The following MAPK4 variants were observed in gnomAD, a reference collection of about 807,000 sequenced individuals.
The protein encoded by MAPK4 is mitogen-activated protein kinase 4.
In MAPK4, 22 loss-of-function variants were observed where a neutral mutation model predicts 47.7. That is an observed-to-expected ratio of 0.46 (90% CI 0.33 to 0.66). The LOEUF is 0.66. Ranked by LOEUF, MAPK4 falls within the 30% of genes least tolerant of loss-of-function variation. The pLI is 0.02. For synonymous variants in MAPK4, 390 were observed against 365.7 expected (o/e 1.07, Z -0.76); for missense variants, 736 against 831.7 (o/e 0.88, Z 1.42).
At chr18:50,610,886 C>T (rs1221478371) in intron 1 of MAPK4, among the ~76,000 whole-genome samples, 1 of 152,130 alleles carries the variant, frequency 6.6e-6, no homozygotes, top group Non-Finnish European at 1.5e-5. Flanking sequence ...TTACTTCTCC[C>T]AGTAATTGTC....
At chr18:50,648,815 T>C (rs1271487371) in intron 1 of MAPK4, among the ~76,000 whole-genome samples, 3 of 152,162 alleles carry the variant, frequency 2.0e-5, no homozygotes, top group Non-Finnish European at 2.9e-5. Flanking sequence ...CTCGCTATGC[T>C]TGCCCTGGGA....
intron 1 of MAPK4, among the ~76,000 whole-genome samples, chr18:50,610,039 G>A (rs757821032): frequency 7.2e-5 from 11 of 152,184 alleles, no homozygotes; most frequent in Non-Finnish European, 1.6e-4. Context: ...AATTTTGCAA[G>A]AGGTGAATTA....
Position 50,664,500 on chromosome 18 carries a change from A to G in MAPK4, c.542A>G (p.His181Arg). Residue 181 changes from histidine (H) to arginine (R), a missense_variant, in exon 2 of 6, where the codon CAC (histidine) becomes CGC (arginine). Around this residue, in one of 3 missense-constraint regions of MAPK4, gnomAD observed 327 missense variants for 395.4 expected, o/e 0.83. Transcript: ENST00000400384. This position sits in a 1 kb window ranked among gnomAD's most constrained non-coding sequence, Gnocchi z 6.0. ...AGGATCGTTGATCAGCATTACTCCCACAAGGTATGTCTGGCTGGAATGGCG... is the reference window on the plus strand; with the variant it reads ...AGGATCGTTGATCAGCATTACTCCCGCAAGGTATGTCTGGCTGGAATGGCG... ...LARIVDQHYS[H>R]KGYLSEGLVT... is the part of the protein sequence containing the mutation. The G allele has an allele frequency of 1.9e-6, 3 of 1,585,594 alleles. No individual in the cohort carries two copies. The highest frequency in any genetic ancestry group is 1.7e-5 in the Admixed American group (1 of 58,578).
At chr18:50,630,501 T>C (rs1471217222) in intron 1 of MAPK4, among the ~76,000 whole-genome samples, 1 of 152,180 alleles carries the variant, frequency 6.6e-6, no homozygotes, top group East Asian at 1.9e-4. Context: ...TTTCCTCCTC[T>C]CTTTCTCTCT....
chr18:50,729,099 C>G, intron 5 of MAPK4, 59 bp from the exon 6 acceptor site: 2 of 1,427,620 alleles, frequency 1.4e-6, no homozygotes, highest in Non-Finnish European at 1.9e-6. Context: ...GGGCTTGGCT[C>G]CCTCCCGGAA....
Position 50,664,609 on chromosome 18 carries a change from G to C in MAPK4, c.546+105G>C. ...GCTCCATGGTAGTCAGAGGACTAGA[G>C]TTAGTAATTAGGGGAGGCTGGAGGG... On this transcript the variant is annotated intron_variant, in intron 2 of 5. Transcript: ENST00000400384. The surrounding 1 kb of genome is among the most constrained non-coding windows in gnomAD (Gnocchi z 6.0). The C allele has an allele frequency of 7.7e-7, 1 of 1,298,770 alleles. No homozygotes were observed. 80.5% of individuals were successfully genotyped at this position (1,298,770 alleles called of 1,614,324 possible). A position where few individuals can be genotyped will look rare whatever the true frequency, so the allele number is the denominator to read the frequency against.
chr18:50,721,186 G>T (rs772466373), intron 3 of MAPK4, among the ~76,000 whole-genome samples: 38 of 152,338 alleles, frequency 2.5e-4, no homozygotes, highest in Non-Finnish European at 4.6e-4. Context: ...GCCAGTGGTT[G>T]TCTGGGTGTG....
intron 2 of MAPK4, chr18:50,704,632 T>C (rs1909955701): frequency 2.5e-6 from 1 of 398,502 alleles, no homozygotes; most frequent in South Asian, 1.3e-4. Flanking sequence ...TCTCTGCAAG[T>C]CAAACTGGGG....
At chr18:50,656,757 A>G (rs1206700182) in intron 1 of MAPK4, among the ~76,000 whole-genome samples, 1 of 152,180 alleles carries the variant, frequency 6.6e-6, no homozygotes, top group African/African-American at 2.4e-5. Context: ...CATTGTTTCC[A>G]TAATTATTGT....
At chr18:50,718,557 G>A (rs1910759198) in intron 3 of MAPK4, among the ~76,000 whole-genome samples, 1 of 152,080 alleles carries the variant, frequency 6.6e-6, no homozygotes, top group Admixed American at 6.5e-5. Flanking sequence ...TTAAATCTTA[G>A]GCACCATAGG....
Position 50,729,512 on chromosome 18 carries a change from G to C in MAPK4, c.1422G>C (p.Thr474=), listed in dbSNP as rs571427322. ...KQAAGAPPTA[T]GLADTGARED... Reference sequence around the variant, plus strand: ...CGGCCGGCGCGCCCCCCACGGCCACGGGGCTGGCGGACACGGGGGCGCGCG... The same window carrying C: ...CGGCCGGCGCGCCCCCCACGGCCACCGGGCTGGCGGACACGGGGGCGCGCG... Residue 474 remains threonine (T), a synonymous_variant, in exon 6 of 6, where the codon ACG becomes ACC. Coordinates refer to ENST00000400384, the MANE Select transcript of MAPK4 (RefSeq NM_002747.4). 12 of 1,443,676 alleles carry C rather than the reference G, an allele frequency of 8.3e-6. No individual in the cohort carries two copies. The highest frequency in any genetic ancestry group is 1.0e-5 in the Non-Finnish European group (11 of 1,097,546). 89.4% of individuals were successfully genotyped at this position (1,443,676 alleles called of 1,614,324 possible).
chr18:50,579,482 AG>A (rs1409617507), intron 1 of MAPK4, among the ~76,000 whole-genome samples: 1 of 152,210 alleles, frequency 6.6e-6, no homozygotes, highest in African/African-American at 2.4e-5. Flanking sequence ...TATGTGTGGA[AG>A]TGGAGTGGGA....
intron 3 of MAPK4, among the ~76,000 whole-genome samples, chr18:50,720,570 A>C (rs1598955121): frequency 6.6e-6 from 1 of 151,308 alleles, no homozygotes; most frequent in East Asian, 1.9e-4. Context: ...CTCTGCCCCC[A>C]CCCCCGCTGT....
intron 1 of MAPK4, among the ~76,000 whole-genome samples, chr18:50,603,896 C>T (rs1268125038): frequency 2.0e-5 from 3 of 152,188 alleles, no homozygotes; most frequent in Non-Finnish European, 2.9e-5. Context: ...CTAATGTTCA[C>T]TCCTTTACTC....
chr18:50,562,414 C>A (rs2969965), intron 1 of MAPK4, among the ~76,000 whole-genome samples: 144,218 of 145,008 alleles, frequency 0.99, 71,718 homozygotes, highest in East Asian at 1. Flanking sequence ...TGCATTTTGG[C>A]CAATAAAAAA....
intron 1 of MAPK4, among the ~76,000 whole-genome samples, chr18:50,584,183 C>CT (rs1369621673): frequency 3.3e-5 from 5 of 152,210 alleles, no homozygotes; most frequent in African/African-American, 7.2e-5. Flanking sequence ...CCGTTTGCTA[C>CT]TTTACAGCAT....
At position 50,730,184 on chromosome 18, in the gene MAPK4, C is replaced by T. The variant is rs369187150; in HGVS notation, c.*330C>T. 5.9e-5 allele frequency: 13 copies of T among 219,384 alleles called. No individual in the cohort carries two copies. The East Asian group carries it at 9.9e-4, about 17-fold the overall frequency. The allele number at this position is 219,384 out of a possible 1,614,324, so 13.6% of individuals were successfully genotyped here. On this transcript the variant is annotated 3_prime_UTR_variant, in exon 6 of 6. Transcript: ENST00000400384. ...GGTGGCAGGATGCCGAGAAATCTTG[C>T]AGAGGTAGCTCCGAAACCATCTGGC...
In MAPK4 at chr18:50,678,057, G is replaced by C. The variant is rs1253085158; in HGVS notation, c.546+13553G>C. Among the ~76,000 whole-genome samples the C allele has an allele frequency of 6.6e-6, 1 of 152,176 alleles. No individual in the cohort carries two copies. Among genetic ancestry groups the C allele is most frequent in the East Asian group, 1.9e-4 (1 of 5,190 alleles). ...AAGCAAGTTACTTAACCTCCCTCAG[G>C]CTGGCTCCATCCCCTCATAATAACT... On this transcript the variant is annotated intron_variant, in intron 2 of 5. Transcript: ENST00000400384. The surrounding 1 kb of genome is among the most constrained non-coding windows in gnomAD (Gnocchi z 4.2).
At chr18:50,655,446 C>T (rs980666474) in intron 1 of MAPK4, among the ~76,000 whole-genome samples, 4 of 152,044 alleles carry the variant, frequency 2.6e-5, no homozygotes, top group South Asian at 2.1e-4. Context: ...GCATCATGGG[C>T]GGCACCATTA....
Sources: gnomAD v4.1 joint callset for allele counts (sites outside exome capture counted in the v4.1 genomes callset) on GRCh38, gnomAD v4.1.1 for gene constraint, gnomAD v4.1.1 regional missense constraint, Gnocchi (gnomAD v3.1) non-coding constraint, MANE v1.5 for transcripts, NCBI Gene and HGNC (gene_info 2026-07-23, HGNC 2026-07-21) for gene names.